KRT73: variants seen among roughly 807,000 people sequenced by gnomAD.
KRT73 encodes the protein keratin 73.
In KRT73, 44 loss-of-function variants were observed where a neutral mutation model predicts 47.2. That is an observed-to-expected ratio of 0.93 (90% CI 0.73 to 1.20). The LOEUF (loss-of-function observed/expected upper bound fraction) is 1.20. Ranked by LOEUF, KRT73 falls within the 50% of genes most tolerant of loss-of-function variation. The probability of loss-of-function intolerance (pLI) is 0.00; values close to 1 mark genes in which losing one functional copy is unlikely to be tolerated. For missense variants in KRT73, 713 were observed against 704.5 expected, an observed-to-expected ratio of 1.01 and a Z score of -0.14; for synonymous variants, 285 against 291.3, an observed-to-expected ratio of 0.98 and a Z score of 0.22.
the KRT73 span, among the ~76,000 whole-genome samples, chr12:52,630,191 A>T: frequency 6.6e-6 from 1 of 151,854 alleles, no homozygotes; most frequent in Non-Finnish European, 1.5e-5. Context: ...TGCTGAACGA[A>T]GCCTGAGGCA....
At chr12:52,611,836 C>A (rs964828349) in intron 5 of KRT73, among the ~76,000 whole-genome samples, 2 of 152,158 alleles carry the variant, frequency 1.3e-5, no homozygotes, top group Non-Finnish European at 2.9e-5. Flanking sequence ...TCCTTTTTCC[C>A]TAGCTAGCTC....
chr12:52,620,892 A>G (rs1423690946), upstream of KRT73, among the ~76,000 whole-genome samples: 5 of 152,138 alleles, frequency 3.3e-5, no homozygotes, highest in Non-Finnish European at 7.4e-5. Context: ...TTCAGGAGGT[A>G]TGTCAATCTT....
chr12:52,624,727 G>A, the KRT73 span, among the ~76,000 whole-genome samples: 129 of 152,116 alleles, frequency 8.5e-4, no homozygotes, highest in Middle Eastern at 0.014. Context: ...ATTCACATTT[G>A]GAGGTAATGG....
chr12:52,613,593 G>C, intron 5 of KRT73, 95 bp downstream of exon 5: 1 of 1,561,300 alleles, frequency 6.4e-7, no homozygotes, highest in Non-Finnish European at 8.7e-7. Context: ...CTCCCAGCAA[G>C]CTATGGGCCA....
chr12:52,610,654 A>T lies in KRT73; in HGVS notation c.1292T>A (p.Ile431Asn). 3.7e-6 allele frequency: 6 copies of T among 1,610,342 alleles called. No homozygotes were observed. Among genetic ancestry groups the T allele is most frequent in the Non-Finnish European group, 5.1e-6 (6 of 1,178,174 alleles). Residue 431 changes from isoleucine (I) to asparagine (N), a missense_variant, in exon 7 of 9, where the codon ATC becomes AAC. Coordinates refer to ENST00000305748, the MANE Select transcript of KRT73 (RefSeq NM_175068.3). Reference sequence around the variant, plus strand: ...CTCCAGCAGCTTGCGGTAGGTGGCGATCTCAATATCCAGGGACAGCTTCAC... The same window carrying T: ...CTCCAGCAGCTTGCGGTAGGTGGCGTTCTCAATATCCAGGGACAGCTTCAC... ...LSVKLSLDIE[I>N]ATYRKLLEGE...
chr12:52,629,179 G>A, the KRT73 span, among the ~76,000 whole-genome samples: 27,911 of 152,186 alleles, frequency 0.18, 3,340 homozygotes, highest in Non-Finnish European at 0.25. Context: ...GCCAGACACA[G>A]TGGCCTGAGA....
In KRT73 at chr12:52,611,325, T is replaced by A; in HGVS notation, c.989A>T (p.Gln330Leu). The A allele has an allele frequency of 2.5e-6, 4 of 1,614,086 alleles. No individual in the cohort carries two copies. The East Asian group carries it at 6.7e-5, about 27-fold the overall frequency. Residue 330 changes from glutamine (Q) to leucine (L), a missense_variant, in exon 6 of 9, where the codon CAG (glutamine) becomes CTG (leucine). Transcript: ENST00000305748. ...EAEALYQTKF[Q>L]ELQLAAGRHG... ...CCGGCCGGCTGCTAGCTGCAGCTCC[T>A]GGAACTAGAGGAAAAGGAACCAAAG...
upstream of KRT73, among the ~76,000 whole-genome samples, chr12:52,622,935 A>C (rs76330596): frequency 6.2e-3 from 946 of 152,380 alleles, 6 homozygotes; most frequent in African/African-American, 0.021. Flanking sequence ...AATAATAAAG[A>C]GAACTGAACA....
the KRT73 span, among the ~76,000 whole-genome samples, chr12:52,627,764 C>T: frequency 2.0e-5 from 3 of 152,188 alleles, no homozygotes; most frequent in East Asian, 1.9e-4. Context: ...GCTGTAAAAA[C>T]GGAAGCTGAG....
chr12:52,613,352 A>T (rs1192448325), intron 5 of KRT73: 2 of 207,512 alleles, frequency 9.6e-6, no homozygotes, highest in East Asian at 2.3e-4. Context: ...TGAGATGCCA[A>T]CTACTCATGT....
chr12:52,614,920 C>G (rs1208233222), intron 3 of KRT73: 1 of 530,094 alleles, frequency 1.9e-6, no homozygotes, highest in Non-Finnish European at 3.3e-6. Flanking sequence ...CTCTATACCC[C>G]ACTCAGCCAG....
upstream of KRT73, among the ~76,000 whole-genome samples, chr12:52,620,352 C>A (rs959866940): frequency 1.3e-5 from 2 of 152,104 alleles, no homozygotes; most frequent in African/African-American, 2.4e-5. Context: ...GATCTGCCCG[C>A]CTCAGTCTCT....
intron 5 of KRT73, chr12:52,612,651 A>C (rs551017680): frequency 6.6e-6 from 1 of 152,324 alleles, no homozygotes; most frequent in African/African-American, 2.4e-5. Context: ...AAGCAGCTTC[A>C]TTCTGAGGCA....
At chr12:52,628,781 A>G in the KRT73 span, among the ~76,000 whole-genome samples, 29 of 152,202 alleles carry the variant, frequency 1.9e-4, no homozygotes, top group African/African-American at 6.8e-4. Flanking sequence ...ATTTGGATGC[A>G]TGAGGGAGAA....
the KRT73 span, among the ~76,000 whole-genome samples, chr12:52,628,291 C>A: frequency 4.6e-5 from 7 of 152,078 alleles, no homozygotes; most frequent in African/African-American, 1.2e-4. Flanking sequence ...ACCCAGCCCA[C>A]CCTCAGGTTG....
intron 5 of KRT73, chr12:52,611,576 T>C (rs552874344): frequency 3.9e-6 from 2 of 511,102 alleles, no homozygotes; most frequent in South Asian, 2.6e-5. Context: ...ACTCTCCATA[T>C]GGCAACTTTA....
intron 4 of KRT73, 113 bp downstream of exon 4, chr12:52,614,466 C>G: frequency 2.4e-6 from 2 of 841,892 alleles, no homozygotes; most frequent in Admixed American, 3.0e-5. Context: ...TTCTCAGCAC[C>G]CCAATGCTGG....
intron 5 of KRT73, 54 bp downstream of exon 5, chr12:52,613,634 A>G: frequency 6.2e-7 from 1 of 1,600,438 alleles, no homozygotes; most frequent in Non-Finnish European, 8.5e-7. Flanking sequence ...GACAAGACAG[A>G]GTCTGGAGCA....
intron 7 of KRT73, 88 bp downstream of exon 7, chr12:52,610,527 C>CCG: frequency 1.6e-5 from 5 of 312,804 alleles, no homozygotes; most frequent in Non-Finnish European, 2.6e-5. Context: ...CGCCAGCTCG[C>CCG]CGCCCCCTCC....
Sources: gnomAD v4.1 joint callset for allele counts (sites outside exome capture counted in the v4.1 genomes callset) on GRCh38, gnomAD v4.1.1 for gene constraint, MANE v1.5 for transcripts, NCBI Gene and HGNC (gene_info 2026-07-23, HGNC 2026-07-21) for gene names.